Variants in CADPS2 observed in about 807,000 individuals in gnomAD.
CADPS2 encodes calcium dependent secretion activator 2.
Under a neutral mutation model 172.5 loss-of-function variants are expected in CADPS2, and 93 were observed. That is an observed-to-expected ratio of 0.54 (90% CI 0.46 to 0.64). The LOEUF (loss-of-function observed/expected upper bound fraction) is 0.64, where lower values mean the gene tolerates loss of function less well. Ranked by LOEUF, CADPS2 falls within the 30% of genes least tolerant of loss-of-function variation. The pLI, the probability that CADPS2 is intolerant of heterozygous loss-of-function variation, is 0.00. For missense variants in CADPS2, 1,420 were observed against 1,565.9 expected, an observed-to-expected ratio of 0.91 and a Z score of 1.57; for synonymous variants, 546 against 555.2, an observed-to-expected ratio of 0.98 and a Z score of 0.23.
intron 8 of CADPS2, among the ~76,000 whole-genome samples, chr7:122,538,962 GA>G (rs2062618552): frequency 1.3e-5 from 2 of 152,102 alleles, no homozygotes; most frequent in African/African-American, 4.8e-5. Context: ...ATATAACAAT[GA>G]ATGTAGGTCT....
chr7:122,359,163 C>T (rs1288387615), intron 27 of CADPS2, among the ~76,000 whole-genome samples: 1 of 151,976 alleles, frequency 6.6e-6, no homozygotes, highest in African/African-American at 2.4e-5. Context: ...CAACATATGC[C>T]TGTGAATAGC....
In CADPS2 at chr7:122,320,165, T is replaced by C; in HGVS notation, c.3891A>G (p.Ter1297TrpextTer12). The C allele has an allele frequency of 6.3e-7, 1 of 1,597,262 alleles. No homozygotes were observed. The highest frequency in any genetic ancestry group is 8.5e-7 in the Non-Finnish European group (1 of 1,172,192). ...CTTCCTTCTGCAAAGCTGTGTGATATCAGCCTTCTTCTTCTTCGTCACTGT... is the reference window on the plus strand; with the variant it reads ...CTTCCTTCTGCAAAGCTGTGTGATACCAGCCTTCTTCTTCTTCGTCACTGT... The part of the protein sequence containing the change: ...MKDSDEEEEG[*>W] The change falls in exon 30 of 30, where the codon TGA becomes TGG. Residue 1297 changes from the stop codon to tryptophan (W), a stop_lost. Transcript: ENST00000449022.
intron 17 of CADPS2, among the ~76,000 whole-genome samples, chr7:122,421,369 T>C (rs1011698224): frequency 1.3e-5 from 2 of 152,182 alleles, no homozygotes; most frequent in African/African-American, 4.8e-5. Context: ...AAACAATAAA[T>C]AGTGTTGAAG....
At position 122,446,652 on chromosome 7, in the gene CADPS2, A is replaced by G. The variant is rs564186408; in HGVS notation, c.2288+4722T>C. On this transcript the variant is annotated intron_variant, in intron 15 of 29. Coordinates refer to ENST00000449022, the MANE Select transcript of CADPS2 (RefSeq NM_017954.11). ...TTTCCTCACATATATGAAATGATCA[A>G]TACTTAACAGGAGACTCCAGGGAAT... Among the ~76,000 whole-genome samples the G allele has an allele frequency of 3.3e-5, 5 of 152,274 alleles. No individual in the cohort carries two copies. In the South Asian group the frequency reaches 6.2e-4, roughly 19 times the overall value.
At chr7:122,815,667 C>G (rs1429526767) in intron 1 of CADPS2, among the ~76,000 whole-genome samples, 1 of 151,986 alleles carries the variant, frequency 6.6e-6, no homozygotes, top group Non-Finnish European at 1.5e-5. Context: ...ATCGACAAAG[C>G]TGATAGAGCA....
intron 25 of CADPS2, among the ~76,000 whole-genome samples, chr7:122,363,795 C>A (rs17144328): frequency 0.14 from 21,822 of 152,054 alleles, 1,616 homozygotes; most frequent in Non-Finnish European, 0.15. Flanking sequence ...CTATCTGTGT[C>A]TAAAAACCTG....
chr7:122,670,760 C>G (rs112879394), intron 2 of CADPS2, among the ~76,000 whole-genome samples: 26,989 of 151,208 alleles, frequency 0.18, 3,203 homozygotes, highest in Non-Finnish European at 0.26. Context: ...CTCAGCCTCC[C>G]AAAGTGCTGG....
chr7:122,585,477 A>AG (rs2069527083), intron 6 of CADPS2: 1 of 150,212 alleles, frequency 6.7e-6, no homozygotes, highest in African/African-American at 2.4e-5. Context: ...AAAAAAAAAA[A>AG]GGCAGGAAAA....
chr7:122,620,781 T>A (rs1201296229), intron 5 of CADPS2, among the ~76,000 whole-genome samples: 1 of 152,152 alleles, frequency 6.6e-6, no homozygotes, highest in Non-Finnish European at 1.5e-5. Flanking sequence ...ATGGGTAAAG[T>A]AGATTTAAAA....
At chr7:122,623,115 G>T (rs2075760047) in intron 4 of CADPS2, among the ~76,000 whole-genome samples, 1 of 151,912 alleles carries the variant, frequency 6.6e-6, no homozygotes. Context: ...TCCCAAAGAA[G>T]GTTCTTAAAT....
chr7:122,465,475 A>G (rs1233001380), intron 14 of CADPS2, among the ~76,000 whole-genome samples: 1 of 152,178 alleles, frequency 6.6e-6, no homozygotes, highest in East Asian at 1.9e-4. Context: ...GCGGCAGGCA[A>G]GCGAGTACTG....
intron 1 of CADPS2, among the ~76,000 whole-genome samples, chr7:122,877,602 A>T (rs1328899925): frequency 2.6e-5 from 4 of 152,196 alleles, no homozygotes; most frequent in Non-Finnish European, 5.9e-5. Flanking sequence ...ATTTAAAAAG[A>T]TGTCACAATA....
intron 10 of CADPS2, 132 bp from the exon 11 acceptor site, chr7:122,490,413 T>A: frequency 1.5e-6 from 1 of 673,508 alleles, no homozygotes; most frequent in South Asian, 2.0e-5. Flanking sequence ...ATATTTAGTT[T>A]AAAGGATCAA....
chr7:122,550,413 G>A (rs1051962149), intron 8 of CADPS2, among the ~76,000 whole-genome samples: 1 of 152,086 alleles, frequency 6.6e-6, no homozygotes, highest in Non-Finnish European at 1.5e-5. Context: ...TAGAAACTAT[G>A]ATAAAAGTCT....
At chr7:122,536,816 G>A (rs1030552746) in intron 8 of CADPS2, among the ~76,000 whole-genome samples, 8 of 152,034 alleles carry the variant, frequency 5.3e-5, no homozygotes, top group Non-Finnish European at 1.0e-4. Context: ...AAGGGACAGG[G>A]GGCCTAAGCT....
chr7:122,725,850 G>T (rs184681812), intron 2 of CADPS2, among the ~76,000 whole-genome samples: 1 of 151,806 alleles, frequency 6.6e-6, no homozygotes, highest in Non-Finnish European at 1.5e-5. Flanking sequence ...ACTGAAACAG[G>T]AAGTACTTAA....
intron 3 of CADPS2, among the ~76,000 whole-genome samples, chr7:122,656,699 G>A (rs923446669): frequency 6.6e-6 from 1 of 152,154 alleles, no homozygotes; most frequent in Non-Finnish European, 1.5e-5. Flanking sequence ...GCAGGATGTA[G>A]ACTTTCCCTG....
intron 1 of CADPS2, among the ~76,000 whole-genome samples, chr7:122,806,622 A>C (rs1360165598): frequency 1.3e-5 from 2 of 152,234 alleles, no homozygotes. Context: ...ACATTAATGC[A>C]GTCCAGGAAA....
At chr7:122,727,675 C>T (rs1307594348) in intron 2 of CADPS2, among the ~76,000 whole-genome samples, 2 of 151,842 alleles carry the variant, frequency 1.3e-5, no homozygotes, top group Non-Finnish European at 2.9e-5. Context: ...CATGCATTAT[C>T]CAGTCTTCAT....
Sources: allele counts gnomAD v4.1 joint callset (sites outside exome capture counted in the v4.1 genomes callset), GRCh38; gene constraint gnomAD v4.1.1; transcripts MANE v1.5; gene names NCBI Gene and HGNC (gene_info 2026-07-23, HGNC 2026-07-21).